C1orf21: variants seen among roughly 807,000 people sequenced by gnomAD.
The protein encoded by C1orf21 is chromosome 1 open reading frame 21, also known as uncharacterized protein C1orf21.
In C1orf21, 3 loss-of-function variants were observed where a neutral mutation model predicts 18.7. The observed-to-expected ratio is 0.16, with a 90% CI of 0.07 to 0.42. C1orf21 has a LOEUF of 0.42. Ranked by LOEUF, C1orf21 falls within the 10% of genes least tolerant of loss-of-function variation. C1orf21 has a pLI of 0.99. For synonymous variants in C1orf21, 41 were observed against 46.4 expected (o/e 0.88, Z 0.47); for missense variants, 104 against 143.6 (o/e 0.72, Z 1.41).
intron 3 of C1orf21, among the ~76,000 whole-genome samples, chr1:184,515,576 A>C (rs10489728): frequency 0.017 from 2,638 of 152,312 alleles, 36 homozygotes; most frequent in African/African-American, 0.035. Flanking sequence ...GCCTCTCTAA[A>C]GTAAGTATTT....
chr1:184,443,662 T>C (rs78433901), intron 1 of C1orf21, among the ~76,000 whole-genome samples: 4,532 of 152,296 alleles, frequency 0.03, 212 homozygotes, highest in African/African-American at 0.1. Context: ...TGGTGATTTA[T>C]TTCTCTAGGA....
intron 1 of C1orf21, among the ~76,000 whole-genome samples, chr1:184,456,105 A>G (rs979775698): frequency 6.6e-5 from 10 of 152,186 alleles, no homozygotes; most frequent in African/African-American, 1.4e-4. Context: ...GTAGCAAGCT[A>G]TATTAATCAA....
intron 1 of C1orf21, among the ~76,000 whole-genome samples, chr1:184,403,550 G>C (rs183551452): frequency 6.6e-6 from 1 of 152,192 alleles, no homozygotes; most frequent in African/African-American, 2.4e-5. Flanking sequence ...TGTTCTGTAG[G>C]TATGTACATA....
At chr1:184,439,893 T>G (rs1656917865) in intron 1 of C1orf21, among the ~76,000 whole-genome samples, 1 of 152,230 alleles carries the variant, frequency 6.6e-6, no homozygotes, top group Non-Finnish European at 1.5e-5. Flanking sequence ...AAATTAAAAC[T>G]AATGATTTAT....
At chr1:184,505,456 G>A (rs1658046466) in intron 2 of C1orf21, among the ~76,000 whole-genome samples, 1 of 150,974 alleles carries the variant, frequency 6.6e-6, no homozygotes, top group African/African-American at 2.4e-5. Flanking sequence ...TCACAATTTA[G>A]TTCAGTTAAA....
At chr1:184,549,024 T>G (rs1658772683) in intron 3 of C1orf21, among the ~76,000 whole-genome samples, 1 of 152,200 alleles carries the variant, frequency 6.6e-6, no homozygotes, top group Non-Finnish European at 1.5e-5. Context: ...TTGTCCTTTC[T>G]AGTGCTATGT....
intron 1 of C1orf21, among the ~76,000 whole-genome samples, chr1:184,445,880 A>G (rs1220055728): frequency 2.0e-5 from 3 of 152,204 alleles, no homozygotes; most frequent in African/African-American, 4.8e-5. Context: ...TATCATAACA[A>G]TTACATTAAC....
At chr1:184,404,294 G>A (rs1300972602) in intron 1 of C1orf21, among the ~76,000 whole-genome samples, 2 of 152,152 alleles carry the variant, frequency 1.3e-5, no homozygotes, top group East Asian at 3.8e-4. Context: ...GGAGTCCTTA[G>A]TCCATTTTGT....
At chr1:184,419,323 A>G (rs1346412598) in intron 1 of C1orf21, among the ~76,000 whole-genome samples, 1 of 152,208 alleles carries the variant, frequency 6.6e-6, no homozygotes, top group Non-Finnish European at 1.5e-5. Context: ...GTGGCAGTCA[A>G]ATGTTTTCAT....
chr1:184,522,242 G>T (rs867949677), intron 3 of C1orf21, among the ~76,000 whole-genome samples: 1 of 152,026 alleles, frequency 6.6e-6, no homozygotes, highest in Non-Finnish European at 1.5e-5. Context: ...ATGTATATAG[G>T]CATGTATATA....
intron 1 of C1orf21, among the ~76,000 whole-genome samples, chr1:184,394,196 T>C (rs758750920): frequency 1.3e-5 from 2 of 152,204 alleles, no homozygotes; most frequent in Non-Finnish European, 2.9e-5. Flanking sequence ...CTTTAGGGCT[T>C]TTGGAAAAAG....
chr1:184,411,990 T>C lies in C1orf21; in HGVS notation c.-125+24622T>C, dbSNP rs1656362928. 7 of 152,240 alleles carry C rather than the reference T, an allele frequency of 4.6e-5. No homozygotes were observed. The South Asian group carries it at 8.3e-4, about 18-fold the overall frequency. 9.4% of individuals were successfully genotyped at this position (152,240 alleles called of 1,614,324 possible). A position where few individuals can be genotyped will look rare whatever the true frequency, so the allele number is the denominator to read the frequency against. On this transcript the variant is annotated intron_variant, in intron 1 of 5. Transcript: ENST00000235307. ...AAACTGGGATGAAAAGGCTTTACAA[T>C]CTACCTCTGTCTCCCTTTATTGCAG... is the stretch of plus-strand genomic sequence containing the variant.
At chr1:184,572,342 AGAGGGAGC>A (rs1227917822) in intron 3 of C1orf21, among the ~76,000 whole-genome samples, 3 of 152,320 alleles carry the variant, frequency 2.0e-5, no homozygotes, top group South Asian at 4.1e-4. Flanking sequence ...AGGCGTAGGA[AGAGGGAGC>A]GAGGGAGCGA....
chr1:184,451,588 A>C (rs1657124414), intron 1 of C1orf21, among the ~76,000 whole-genome samples: 1 of 150,474 alleles, frequency 6.6e-6, no homozygotes, highest in Non-Finnish European at 1.5e-5. Context: ...TACAAGCATG[A>C]GCTACCAGGC....
At chr1:184,553,663 C>G (rs1174767161) in intron 3 of C1orf21, among the ~76,000 whole-genome samples, 1 of 152,122 alleles carries the variant, frequency 6.6e-6, no homozygotes, top group Non-Finnish European at 1.5e-5. Flanking sequence ...CTGCTGAGAC[C>G]CAAAGATCCA....
Position 184,395,626 on chromosome 1 carries a change from T to C in C1orf21, c.-125+8258T>C, listed in dbSNP as rs554972980. 2.0e-5 allele frequency among the ~76,000 whole-genome samples: 3 copies of C among 152,108 alleles called. No individual in the cohort carries two copies. The East Asian group carries it at 5.8e-4, about 30-fold the overall frequency. ...ATGCGAACACATGATATGTGGTGAATAGACAAAGGTGCTTTGGGAGTTGAG... is the reference window on the plus strand; with the variant it reads ...ATGCGAACACATGATATGTGGTGAACAGACAAAGGTGCTTTGGGAGTTGAG... On this transcript the variant is annotated intron_variant, in intron 1 of 5. Coordinates refer to ENST00000235307, the MANE Select transcript of C1orf21 (RefSeq NM_030806.4).
chr1:184,435,783 G>T (rs915117376), intron 1 of C1orf21, among the ~76,000 whole-genome samples: 19 of 152,214 alleles, frequency 1.2e-4, no homozygotes, highest in African/African-American at 3.6e-4. Flanking sequence ...AACTATCAGG[G>T]TGTGGTATCA....
At chr1:184,453,667 T>TA (rs1325653874) in intron 1 of C1orf21, among the ~76,000 whole-genome samples, 3 of 152,074 alleles carry the variant, frequency 2.0e-5, no homozygotes, top group East Asian at 1.9e-4. Context: ...ACTTTTTTTT[T>TA]ATTAGGTTAT....
At chr1:184,418,044 T>G (rs1294932844) in intron 1 of C1orf21, among the ~76,000 whole-genome samples, 1 of 152,218 alleles carries the variant, frequency 6.6e-6, no homozygotes, top group Non-Finnish European at 1.5e-5. Flanking sequence ...GTCCCTATTC[T>G]TAGCCAAATA....
Sources: gnomAD v4.1 joint callset for allele counts (sites outside exome capture counted in the v4.1 genomes callset) on GRCh38, gnomAD v4.1.1 for gene constraint, MANE v1.5 for transcripts, NCBI Gene and HGNC (gene_info 2026-07-23, HGNC 2026-07-21) for gene names.